Variants in TENM2 observed in about 807,000 individuals in gnomAD.
The protein encoded by TENM2 is teneurin transmembrane protein 2, also known as teneurin-2.
A neutral mutation model predicts 245.2 loss-of-function variants in TENM2; 52 were observed. The ratio of observed to expected loss-of-function variants is 0.21; its 90% confidence interval spans 0.17 to 0.27. TENM2 has a LOEUF of 0.27. TENM2 is among the 10% of genes least tolerant of loss of function. The probability of loss-of-function intolerance (pLI) is 1.00; values close to 1 mark genes in which losing one functional copy is unlikely to be tolerated. For synonymous variants in TENM2, 1,363 were observed against 1,438.9 expected, an observed-to-expected ratio of 0.95 and a Z score of 1.19; for missense variants, 3,046 against 3,666.8, an observed-to-expected ratio of 0.83 and a Z score of 4.37.
chr5:167,945,804 G>T (rs568630854), intron 3 of TENM2, among the ~76,000 whole-genome samples: 13 of 152,204 alleles, frequency 8.5e-5, no homozygotes, highest in South Asian at 4.1e-4. Context: ...CAGGCTGAGC[G>T]GGGTGCTTCC....
chr5:167,987,836 T>C (rs1453599033), intron 4 of TENM2, among the ~76,000 whole-genome samples: 5 of 152,212 alleles, frequency 3.3e-5, no homozygotes, highest in Admixed American at 1.3e-4. Flanking sequence ...CTTTCTCTTT[T>C]TGTTTGCTGA....
intron 2 of TENM2, among the ~76,000 whole-genome samples, chr5:167,793,625 A>G (rs1050728991): frequency 2.0e-5 from 3 of 151,996 alleles, no homozygotes; most frequent in African/African-American, 7.2e-5. Context: ...ACTTGAGCCC[A>G]GGAGTTCGAG....
chr5:167,032,351 C>T, the TENM2 span, among the ~76,000 whole-genome samples: 1 of 152,096 alleles, frequency 6.6e-6, no homozygotes, highest in Non-Finnish European at 1.5e-5. Context: ...TTTTTGCTGC[C>T]TCTGCTTTTG....
At chr5:167,787,986 T>C (rs1225369729) in intron 2 of TENM2, among the ~76,000 whole-genome samples, 1 of 152,244 alleles carries the variant, frequency 6.6e-6, no homozygotes, top group East Asian at 1.9e-4. Context: ...CCTTTAAAAA[T>C]AACAGCTATT....
At chr5:167,349,392 T>A (rs1758677188) in intron 1 of TENM2, among the ~76,000 whole-genome samples, 4 of 152,208 alleles carry the variant, frequency 2.6e-5, no homozygotes, top group Admixed American at 2.6e-4. Context: ...GCTAAGAAGC[T>A]ACAGAATTTG....
intron 13 of TENM2, among the ~76,000 whole-genome samples, chr5:168,185,400 C>T (rs561785383): frequency 5.9e-5 from 9 of 152,120 alleles, no homozygotes; most frequent in Non-Finnish European, 1.3e-4. Context: ...GCTCTGAGTA[C>T]TGTACAGACA....
chr5:167,665,575 A>G (rs1755519322), intron 2 of TENM2, among the ~76,000 whole-genome samples: 1 of 152,162 alleles, frequency 6.6e-6, no homozygotes, highest in Non-Finnish European at 1.5e-5. Flanking sequence ...GGAGTGCTTC[A>G]TATTGAAAAA....
the TENM2 span, among the ~76,000 whole-genome samples, chr5:167,036,515 T>C: frequency 1.3e-5 from 2 of 152,262 alleles, no homozygotes; most frequent in Admixed American, 1.3e-4. Flanking sequence ...TATGTAATAC[T>C]AATTTCTTCT....
At chr5:167,524,761 T>C (rs1409352819) in intron 2 of TENM2, among the ~76,000 whole-genome samples, 2 of 151,742 alleles carry the variant, frequency 1.3e-5, no homozygotes, top group African/African-American at 4.8e-5. Flanking sequence ...CCCCAGGTCA[T>C]TGCTATTTTC....
At chr5:167,158,907 CCT>C in the TENM2 span, among the ~76,000 whole-genome samples, 60 of 128,966 alleles carry the variant, frequency 4.7e-4, no homozygotes, top group East Asian at 1.8e-3. Context: ...TTCCTTCCTT[CCT>C]CTTCCTCTCT....
rs564789305 is a variant in TENM2, at chr5:167,408,789, T to G, written c.502+33316T>G. ...TCCATGTATTTCCCCCAAAATCTTA[T>G]ACATATATATATATAATTTAATATG... On this transcript the variant is annotated intron_variant, in intron 2 of 28. Coordinates refer to ENST00000518659, the Ensembl canonical transcript of TENM2. 8.0e-4 allele frequency among the ~76,000 whole-genome samples: 120 copies of G among 150,324 alleles called. 1 individual carries two copies. Among genetic ancestry groups the G allele is most frequent in the Non-Finnish European group, 8.0e-4 (54 of 67,628 alleles).
chr5:166,998,207 T>A, the TENM2 span, among the ~76,000 whole-genome samples: 8 of 152,098 alleles, frequency 5.3e-5, no homozygotes, highest in African/African-American at 1.7e-4. Context: ...AAAGACCAAA[T>A]GTGGTTATCT....
the TENM2 span, among the ~76,000 whole-genome samples, chr5:167,001,729 A>G: frequency 5.9e-5 from 9 of 152,278 alleles, 1 homozygote; most frequent in African/African-American, 2.2e-4. Context: ...CATTGAATCA[A>G]AAGAAATACT....
chr5:167,923,690 T>C (rs1443840124), intron 3 of TENM2, among the ~76,000 whole-genome samples: 1 of 152,112 alleles, frequency 6.6e-6, no homozygotes, highest in Non-Finnish European at 1.5e-5. Context: ...TTAACTTCCA[T>C]TTTACAAATA....
chr5:167,393,511 A>T (rs909879218), intron 2 of TENM2, among the ~76,000 whole-genome samples: 4 of 152,148 alleles, frequency 2.6e-5, no homozygotes, highest in African/African-American at 7.2e-5. Flanking sequence ...ATGCAGGCAC[A>T]CTCCTGCTGT....
rs569981552 is a variant in TENM2, at chr5:167,487,070, C to T, written c.502+111597C>T. 4.1e-4 allele frequency among the ~76,000 whole-genome samples: 63 copies of T among 152,222 alleles called. No individual in the cohort carries two copies. In the South Asian group the frequency reaches 0.011, roughly 28 times the overall value. ...TGAGATGGATTAGACTTCTGATAGG[C>T]GGATCTGAAGGCATCTTGTTTTACA... On this transcript the variant is annotated intron_variant, in intron 2 of 28. Coordinates refer to ENST00000518659, the Ensembl canonical transcript of TENM2.
chr5:168,026,440 A>G (rs529381390), intron 5 of TENM2, among the ~76,000 whole-genome samples: 103 of 152,318 alleles, frequency 6.8e-4, no homozygotes, highest in Admixed American at 2.1e-3. Context: ...TAGTATTTTT[A>G]GGGCTTATTA....
intron 2 of TENM2, among the ~76,000 whole-genome samples, chr5:167,684,125 C>T (rs771476492): frequency 1.1e-4 from 16 of 152,156 alleles, no homozygotes; most frequent in Non-Finnish European, 1.9e-4. Flanking sequence ...TTTATTTTGA[C>T]GAGGAAAAAC....
chr5:168,052,882 T>A (rs1376897611), intron 6 of TENM2, among the ~76,000 whole-genome samples: 1 of 152,242 alleles, frequency 6.6e-6, no homozygotes, highest in Non-Finnish European at 1.5e-5. Flanking sequence ...AAGACTGTTA[T>A]TCTGTTTAGA....
Sources: allele counts gnomAD v4.1 joint callset (sites outside exome capture counted in the v4.1 genomes callset), GRCh38; gene constraint gnomAD v4.1.1; transcripts MANE v1.5; gene names NCBI Gene and HGNC (gene_info 2026-07-23, HGNC 2026-07-21).